The following MPHOSPH8 variants were observed in gnomAD, a reference collection of about 807,000 sequenced individuals.
MPHOSPH8 encodes M-phase phosphoprotein 8, also known as M-phase phosphoprotein, mpp.
A neutral mutation model predicts 87.3 loss-of-function variants in MPHOSPH8; 45 were observed. The observed-to-expected ratio is 0.52, with a 90% CI of 0.41 to 0.66. The LOEUF is 0.66. MPHOSPH8 is among the 30% of genes least tolerant of loss of function. MPHOSPH8 has a pLI of 0.00. For missense variants in MPHOSPH8, 883 were observed against 1,020.2 expected (o/e 0.87, Z 1.83); for synonymous variants, 366 against 376.9 (o/e 0.97, Z 0.33).
intron 1 of MPHOSPH8, among the ~76,000 whole-genome samples, chr13:19,638,782 TG>T (rs1369315148): frequency 1.3e-5 from 2 of 151,996 alleles, no homozygotes; most frequent in African/African-American, 4.8e-5. Flanking sequence ...GCACTTCGCT[TG>T]GAAAGTTTAT....
chr13:19,637,823 C>T (rs1303798575), intron 1 of MPHOSPH8, among the ~76,000 whole-genome samples: 1 of 151,308 alleles, frequency 6.6e-6, no homozygotes, highest in Admixed American at 6.6e-5. Flanking sequence ...ATATACAGGC[C>T]GGGCGCGGTG....
At chr13:19,661,641 T>C in intron 7 of MPHOSPH8, 57 bp from the exon 8 acceptor site, 1 of 1,507,680 alleles carries the variant, frequency 6.6e-7, no homozygotes. Context: ...GAAGACTTGG[T>C]TCTGAAATTG....
At chr13:19,647,913 T>C (rs527841621) in intron 3 of MPHOSPH8, among the ~76,000 whole-genome samples, 2 of 152,298 alleles carry the variant, frequency 1.3e-5, no homozygotes, top group South Asian at 4.1e-4. Context: ...TACATAGTTA[T>C]TTATGGCAGT....
chr13:19,649,036 C>G (rs1451744827), intron 4 of MPHOSPH8, among the ~76,000 whole-genome samples: 1 of 152,178 alleles, frequency 6.6e-6, no homozygotes. Flanking sequence ...GGTTTTCTTA[C>G]TGAAAGCTGT....
At position 19,661,722 on chromosome 13, in the gene MPHOSPH8, A is replaced by C. The variant is rs765869872; in HGVS notation, c.1816A>C (p.Met606Leu). The C allele has an allele frequency of 6.2e-7, 1 of 1,609,764 alleles. No individual in the cohort carries two copies. The highest frequency in any genetic ancestry group is 1.1e-5 in the South Asian group (1 of 90,662). ...QEDSSGMTLV[M>L]LAAAGGQDDL... Reference sequence around the variant, plus strand: ...GGATTCCAGTGGAATGACACTGGTGATGCTTGCCGCCGCCGGAGGGCAGGA... The same window carrying C: ...GGATTCCAGTGGAATGACACTGGTGCTGCTTGCCGCCGCCGGAGGGCAGGA... The change falls in exon 8 of 14, where the codon ATG becomes CTG. Residue 606 changes from methionine (M) to leucine (L), a missense_variant. By Grantham distance (15) the Met-to-Leu change is conservative. Transcript: ENST00000361479.
chr13:19,656,645 A>T (rs1006715134), intron 5 of MPHOSPH8, among the ~76,000 whole-genome samples: 5 of 151,690 alleles, frequency 3.3e-5, no homozygotes, highest in Non-Finnish European at 2.9e-5. Flanking sequence ...CTGTAATCCC[A>T]GCTACTCGGG....
At chr13:19,639,082 C>A (rs377007594) in intron 1 of MPHOSPH8, among the ~76,000 whole-genome samples, 373 of 133,006 alleles carry the variant, frequency 2.8e-3, no homozygotes, top group Middle Eastern at 7.6e-3. Context: ...GACTCCGTCT[C>A]AAAAAAAAAA....
chr13:19,666,887 C>T (rs898217203), intron 10 of MPHOSPH8, among the ~76,000 whole-genome samples: 2 of 152,134 alleles, frequency 1.3e-5, no homozygotes, highest in African/African-American at 4.8e-5. Flanking sequence ...CTTGGCCGGG[C>T]GCAGTGGCTC....
chr13:19,641,714 T>G (rs918480053), intron 1 of MPHOSPH8, among the ~76,000 whole-genome samples: 3 of 152,092 alleles, frequency 2.0e-5, no homozygotes, highest in Non-Finnish European at 4.4e-5. Flanking sequence ...CAGGCTGGTC[T>G]TCAACTCCTG....
Position 19,668,156 on chromosome 13 carries a change from G to A in MPHOSPH8, c.2175-221G>A, listed in dbSNP as rs565360575. Among the ~76,000 whole-genome samples the A allele has an allele frequency of 7.2e-5, 11 of 152,342 alleles. No individual in the cohort carries two copies. In the East Asian group the frequency reaches 1.9e-3, roughly 27 times the overall value. On this transcript the variant is annotated intron_variant, in intron 10 of 13. Transcript: ENST00000361479. The stretch of plus-strand genomic sequence containing the variant: ...CTGGGGAGATGGAAATGGCAGTGGA[G>A]GGAAGAGACTTGCCTTCTTAGAACT...
At position 19,663,051 on chromosome 13, in the gene MPHOSPH8, A is replaced by G; in HGVS notation, c.1944A>G (p.Thr648=). ...TTTTCTTTTCATAGAACTTTTTAAC[A>G]ACAGTGGCTATTCTTTTGGAAGCAG... ...LIHAAEKNFL[T]TVAILLEAGA... The change falls in exon 9 of 14, where the codon ACA becomes ACG. Residue 648 remains threonine, a synonymous_variant. Transcript: ENST00000361479. 6.2e-7 allele frequency: 1 copy of G among 1,612,782 alleles called. No homozygotes were observed. The highest frequency in any genetic ancestry group is 8.5e-7 in the Non-Finnish European group (1 of 1,178,728).
chr13:19,663,877 TC>T (rs1413247070), intron 9 of MPHOSPH8, among the ~76,000 whole-genome samples: 1 of 152,072 alleles, frequency 6.6e-6, no homozygotes, highest in Non-Finnish European at 1.5e-5. Flanking sequence ...CCAGCCGCTG[TC>T]CCCAGTAAGC....
Position 19,663,042 on chromosome 13 carries a change from C to T in MPHOSPH8, c.1935C>T (p.Asn645=). Residue 645 remains asparagine, a splice_region_variant and synonymous_variant, in exon 9 of 14, where the codon AAC becomes AAT. Transcript: ENST00000361479. The part of the protein sequence containing the change: ...TTALIHAAEK[N]FLTTVAILLE... ...TTTGCCTTTTTTTCTTTTCATAGAA[C>T]TTTTTAACAACAGTGGCTATTCTTT... 2.5e-6 allele frequency: 4 copies of T among 1,609,862 alleles called. No homozygotes were observed. The highest frequency in any genetic ancestry group is 3.4e-6 in the Non-Finnish European group (4 of 1,176,998).
In MPHOSPH8 at chr13:19,633,974, G is replaced by T. The variant is rs758764729; in HGVS notation, c.213+13G>T. The T allele has an allele frequency of 9.4e-6, 15 of 1,599,580 alleles. No individual in the cohort carries two copies. The highest frequency in any genetic ancestry group is 1.3e-5 in the African/African-American group (1 of 74,866). On this transcript the variant is annotated intron_variant, in intron 1 of 13. Coordinates refer to ENST00000361479, the MANE Select transcript of MPHOSPH8 (RefSeq NM_017520.4). ...GAAGACCGAGGGGGTATGTGGAGGGGCCCCGGCGCGGGGCTGGGCGGGGAG... is the reference window on the plus strand; with the variant it reads ...GAAGACCGAGGGGGTATGTGGAGGGTCCCCGGCGCGGGGCTGGGCGGGGAG...
chr13:19,663,047 T>G lies in MPHOSPH8; in HGVS notation c.1940T>G (p.Leu647Ter). ...ALIHAAEKNF[L>*]TTVAILLEAG... ...CTTTTTTTCTTTTCATAGAACTTTT[T>G]AACAACAGTGGCTATTCTTTTGGAA... The change falls in exon 9 of 14, where the codon TTA becomes TGA. Residue 647 changes from leucine to a stop codon, truncating the protein, a stop_gained. Coordinates refer to ENST00000361479, the MANE Select transcript of MPHOSPH8 (RefSeq NM_017520.4). LOFTEE classifies it high-confidence loss of function. 6.2e-7 allele frequency: 1 copy of G among 1,612,208 alleles called. No individual in the cohort carries two copies. The highest frequency in any genetic ancestry group is 8.5e-7 in the Non-Finnish European group (1 of 1,178,378).
chr13:19,671,470 C>T (rs1483463189), intron 13 of MPHOSPH8, among the ~76,000 whole-genome samples, 181 bp downstream of exon 13: 4 of 152,100 alleles, frequency 2.6e-5, no homozygotes, highest in African/African-American at 9.7e-5. Context: ...CATAATAATG[C>T]GGCAGGAAAA....
intron 13 of MPHOSPH8, among the ~76,000 whole-genome samples, chr13:19,671,570 A>T (rs1425092354): frequency 6.6e-6 from 1 of 152,208 alleles, no homozygotes; most frequent in Non-Finnish European, 1.5e-5. Context: ...TGCCAAATGT[A>T]TGTCTTTAGG....
At chr13:19,647,924 A>G (rs549535983) in intron 3 of MPHOSPH8, among the ~76,000 whole-genome samples, 1 of 152,346 alleles carries the variant, frequency 6.6e-6, no homozygotes, top group East Asian at 1.9e-4. Flanking sequence ...TTATGGCAGT[A>G]TTATCTTCAT....
In MPHOSPH8 at chr13:19,642,073, T is replaced by C. The variant is rs764465976; in HGVS notation, c.214-42T>C. ...TTTTTTTTTGGAAATTTAATCAAGT[T>C]AGCAATCTGCTTTATTTGCCTCCTT... On this transcript the variant is annotated intron_variant, in intron 1 of 13. Coordinates refer to ENST00000361479, the MANE Select transcript of MPHOSPH8 (RefSeq NM_017520.4). The C allele has an allele frequency of 4.9e-6, 5 of 1,015,778 alleles. No individual in the cohort carries two copies. The South Asian group carries it at 1.0e-4, about 21-fold the overall frequency. 62.9% of individuals were successfully genotyped at this position (1,015,778 alleles called of 1,614,324 possible). A position where few individuals can be genotyped will look rare whatever the true frequency, so the allele number is the denominator to read the frequency against.
Sources: allele counts gnomAD v4.1 joint callset (sites outside exome capture counted in the v4.1 genomes callset), GRCh38; gene constraint gnomAD v4.1.1; transcripts MANE v1.5; gene names NCBI Gene and HGNC (gene_info 2026-07-23, HGNC 2026-07-21).